Variants in PAX5 observed in about 807,000 individuals in gnomAD.
PAX5 encodes paired box protein Pax-5.
A neutral mutation model predicts 43.7 loss-of-function variants in PAX5; 9 were observed. That is an observed-to-expected ratio of 0.21 (90% CI 0.12 to 0.36). The LOEUF is 0.36. PAX5 is among the 10% of genes least tolerant of loss of function. The probability of loss-of-function intolerance (pLI) is 1.00; values close to 1 mark genes in which losing one functional copy is unlikely to be tolerated. For missense variants in PAX5, 383 were observed against 532.7 expected, an observed-to-expected ratio of 0.72 and a Z score of 2.77; for synonymous variants, 228 against 214.3, an observed-to-expected ratio of 1.06 and a Z score of -0.56.
intron 1 of PAX5, among the ~76,000 whole-genome samples, chr9:37,027,126 G>T (rs1444268068): frequency 6.6e-6 from 1 of 152,188 alleles, no homozygotes; most frequent in East Asian, 1.9e-4. Context: ...TCTGGGGCTC[G>T]GACTTGCCCC....
intron 3 of PAX5, among the ~76,000 whole-genome samples, chr9:37,010,005 A>C (rs1838792231): frequency 1.3e-5 from 2 of 152,222 alleles, no homozygotes; most frequent in South Asian, 4.1e-4. Context: ...GATTTTGCTC[A>C]TCTGCCTTTA....
intron 7 of PAX5, among the ~76,000 whole-genome samples, chr9:36,900,810 G>C (rs896625758): frequency 6.6e-6 from 1 of 151,864 alleles, no homozygotes; most frequent in Non-Finnish European, 1.5e-5. Context: ...CACTGCCTCT[G>C]CACATTCCAC....
rs766962330 is a variant in PAX5 at position 36,930,779 on chromosome 9, T to G, written c.781-7295A>C. 3 of 1,224,066 alleles carry G rather than the reference T, an allele frequency of 2.5e-6. No homozygotes were observed. The Admixed American group carries it at 7.0e-5, about 29-fold the overall frequency. 75.8% of individuals were successfully genotyped at this position (1,224,066 alleles called of 1,614,324 possible). A position where few individuals can be genotyped will look rare whatever the true frequency, so the allele number is the denominator to read the frequency against. On this transcript the variant is annotated intron_variant, in intron 6 of 9. Transcript: ENST00000358127. Reference sequence around the variant, plus strand: ...GAGGGGTAAGGAGAGGGACACCACTTTGGAAACTAAGCAATATGAGAGGTT... The same window carrying G: ...GAGGGGTAAGGAGAGGGACACCACTGTGGAAACTAAGCAATATGAGAGGTT...
chr9:36,984,411 C>T (rs978663772), intron 5 of PAX5, among the ~76,000 whole-genome samples: 23 of 145,412 alleles, frequency 1.6e-4, no homozygotes, highest in Non-Finnish European at 2.1e-4. Context: ...GGCTTTGTGG[C>T]CCTGGATTGG....
intron 8 of PAX5, among the ~76,000 whole-genome samples, chr9:36,854,331 C>T (rs1015811036): frequency 6.6e-6 from 1 of 152,104 alleles, no homozygotes; most frequent in African/African-American, 2.4e-5. Flanking sequence ...TAGACACTCC[C>T]GATATACACG....
chr9:36,964,967 C>T (rs1212621585), intron 6 of PAX5, among the ~76,000 whole-genome samples: 1 of 152,178 alleles, frequency 6.6e-6, no homozygotes, highest in Non-Finnish European at 1.5e-5. Flanking sequence ...ACAACCACAC[C>T]GGCTCTCTCC....
At chr9:37,010,396 C>A (rs972235615) in intron 3 of PAX5, among the ~76,000 whole-genome samples, 2 of 152,230 alleles carry the variant, frequency 1.3e-5, no homozygotes, top group African/African-American at 4.8e-5. Context: ...TCAGCCCAGA[C>A]TCCCAGCCCC....
Position 36,838,221 on chromosome 9 carries a change from C to T in PAX5, c.*2339G>A, listed in dbSNP as rs1243493501. Reference sequence around the variant, plus strand: ...GGGGTGCATGTGCCTGCTGTGAGCTCGCTGGGCTCCATCCCTGGCCTGGGT... The same window carrying T: ...GGGGTGCATGTGCCTGCTGTGAGCTTGCTGGGCTCCATCCCTGGCCTGGGT... On this transcript the variant is annotated 3_prime_UTR_variant, in exon 10 of 10. Transcript: ENST00000358127. The T allele has an allele frequency of 8.6e-6, 2 of 233,114 alleles. No individual in the cohort carries two copies. The highest frequency in any genetic ancestry group is 6.0e-5 in the East Asian group (1 of 16,568). The allele number at this position is 233,114 out of a possible 1,614,324, so 14.4% of individuals were successfully genotyped here. A position where few individuals can be genotyped will look rare whatever the true frequency, so the allele number is the denominator to read the frequency against.
chr9:36,882,053 G>A lies in PAX5; in HGVS notation c.963C>T (p.Pro321=), dbSNP rs779972349. ...TLPGYPPHVP[P]AGQGSYSAPT... ...GTGCTGAGTAGCTGCCCTGTCCAGC[G>A]GGGGGGACGTGTGGAGGGTACCCGG... Residue 321 remains proline, a synonymous_variant, in exon 8 of 10, where the codon CCC becomes CCT. Transcript: ENST00000358127. The surrounding 1 kb of genome is among the most constrained non-coding windows in gnomAD (Gnocchi z 4.4). The A allele has an allele frequency of 3.9e-5, 62 of 1,606,518 alleles. 1 individual carries two copies. Among genetic ancestry groups the A allele is most frequent in the Non-Finnish European group, 4.5e-5 (53 of 1,175,278 alleles).
Position 36,882,216 on chromosome 9 carries a change from C to A in PAX5, c.911-111G>T. ...TTTGTCACGTTTGGACGCTGAACGG[C>A]AATGTGCCCCCAGCTCCCCCCTGTC... On this transcript the variant is annotated intron_variant, in intron 7 of 9. Transcript: ENST00000358127. This position sits in a 1 kb window ranked among gnomAD's most constrained non-coding sequence, Gnocchi z 4.4. The A allele has an allele frequency of 3.9e-6, 3 of 777,742 alleles. No individual in the cohort carries two copies. The highest frequency in any genetic ancestry group is 6.1e-6 in the Non-Finnish European group (3 of 492,916). The allele number at this position is 777,742 out of a possible 1,614,324, so 48.2% of individuals were successfully genotyped here.
chr9:36,945,294 T>A (rs1212758726), intron 6 of PAX5, among the ~76,000 whole-genome samples: 1 of 152,128 alleles, frequency 6.6e-6, no homozygotes, highest in African/African-American at 2.4e-5. Context: ...AGGGCTGAAG[T>A]ACAGTGGCAC....
chr9:36,992,546 G>T (rs932642356), intron 5 of PAX5, among the ~76,000 whole-genome samples: 2 of 152,198 alleles, frequency 1.3e-5, no homozygotes, highest in Non-Finnish European at 2.9e-5. Flanking sequence ...AGGGGAGAAG[G>T]CTCGGTAGCT....
intron 6 of PAX5, among the ~76,000 whole-genome samples, chr9:36,963,381 C>T (rs1834134488): frequency 6.6e-6 from 1 of 152,166 alleles, no homozygotes; most frequent in Non-Finnish European, 1.5e-5. Context: ...TTCAAGCCCC[C>T]CATCCAACAC....
intron 8 of PAX5, chr9:36,860,775 A>G (rs1369013565): frequency 6.6e-6 from 1 of 152,132 alleles, no homozygotes; most frequent in Non-Finnish European, 1.5e-5. Context: ...GCTGGCTTCT[A>G]TGGGAGACTC....
At position 36,838,569 on chromosome 9, in the gene PAX5, C is replaced by G. The variant is rs1821807323; in HGVS notation, c.*1991G>C. 1 of 233,258 alleles carries G rather than the reference C, an allele frequency of 4.3e-6. No homozygotes were observed. The highest frequency in any genetic ancestry group is 8.5e-6 in the Non-Finnish European group (1 of 118,032). The allele number at this position is 233,258 out of a possible 1,614,324, so 14.4% of individuals were successfully genotyped here. On this transcript the variant is annotated 3_prime_UTR_variant, in exon 10 of 10. Transcript: ENST00000358127. ...CTGCATGGTCCTGGCCTTCCCCAAG[C>G]TGGGCCTCAGTTTCCCACAAGGGAA... is the stretch of plus-strand genomic sequence containing the variant.
At chr9:36,951,858 T>C (rs563793853) in intron 6 of PAX5, among the ~76,000 whole-genome samples, 26 of 152,354 alleles carry the variant, frequency 1.7e-4, no homozygotes, top group African/African-American at 6.3e-4. Context: ...ACCATAATGG[T>C]TACCCTTTAA....
intron 6 of PAX5, among the ~76,000 whole-genome samples, chr9:36,926,047 A>T (rs745557813): frequency 2.0e-5 from 3 of 152,198 alleles, no homozygotes; most frequent in African/African-American, 7.2e-5. Flanking sequence ...TAATCCTCAC[A>T]GTCACCCCTT....
chr9:36,959,217 CT>C (rs1226919845), intron 6 of PAX5, among the ~76,000 whole-genome samples: 6 of 152,256 alleles, frequency 3.9e-5, no homozygotes, highest in Non-Finnish European at 8.8e-5. Context: ...TAGAATCATT[CT>C]TTCAGGTTGG....
At chr9:36,866,626 C>A (rs748557818) in intron 8 of PAX5, among the ~76,000 whole-genome samples, 5 of 151,936 alleles carry the variant, frequency 3.3e-5, no homozygotes, top group Admixed American at 6.5e-5. Context: ...CAGTTCTGCA[C>A]AAGGACAGGA....
Sources: allele counts gnomAD v4.1 joint callset (sites outside exome capture counted in the v4.1 genomes callset), GRCh38; gene constraint gnomAD v4.1.1; non-coding constraint Gnocchi (gnomAD v3.1); transcripts MANE v1.5; gene names NCBI Gene and HGNC (gene_info 2026-07-23, HGNC 2026-07-21).